ITCH: variants seen among roughly 807,000 people sequenced by gnomAD.
ITCH encodes itchy E3 ubiquitin protein ligase, also known as E3 ubiquitin-protein ligase Itchy homolog.
A neutral mutation model predicts 126.8 loss-of-function variants in ITCH; 28 were observed. The observed-to-expected ratio is 0.22, with a 90% CI of 0.16 to 0.30. ITCH has a LOEUF of 0.30. Ranked by LOEUF, ITCH falls within the 10% of genes least tolerant of loss-of-function variation. The pLI, the probability that ITCH is intolerant of heterozygous loss-of-function variation, is 1.00. For synonymous variants in ITCH, 342 were observed against 340.0 expected (o/e 1.01, Z -0.06); for missense variants, 631 against 1,032.4 (o/e 0.61, Z 5.33).
At chr20:34,433,451 G>A (rs758265618) in intron 7 of ITCH, among the ~76,000 whole-genome samples, 40 of 152,166 alleles carry the variant, frequency 2.6e-4, no homozygotes, top group Non-Finnish European at 5.0e-4. Flanking sequence ...GCCGAGGTGG[G>A]TGGATCACTT....
chr20:34,463,034 T>C (rs1432680447), intron 14 of ITCH, among the ~76,000 whole-genome samples: 3 of 152,162 alleles, frequency 2.0e-5, no homozygotes, highest in Non-Finnish European at 4.4e-5. Flanking sequence ...TTGGGGGGTA[T>C]TGTAAATAAT....
chr20:34,425,910 G>A (rs1048775183), intron 7 of ITCH, among the ~76,000 whole-genome samples: 1 of 152,238 alleles, frequency 6.6e-6, no homozygotes, highest in African/African-American at 2.4e-5. Context: ...TGTACTTTGT[G>A]TCTGTGTCTT....
chr20:34,366,909 C>T (rs1270137723), intron 1 of ITCH, among the ~76,000 whole-genome samples: 1 of 152,064 alleles, frequency 6.6e-6, no homozygotes, highest in Non-Finnish European at 1.5e-5. Flanking sequence ...CAAAGCCTGA[C>T]CTTGGAGAGA....
At chr20:34,398,854 AAACAGAG>A (rs1376225684) in intron 3 of ITCH, among the ~76,000 whole-genome samples, 8 of 152,064 alleles carry the variant, frequency 5.3e-5, no homozygotes, top group African/African-American at 1.9e-4. Context: ...ATTAGATATG[AAACAGAG>A]AACATAAGAT....
intron 20 of ITCH, among the ~76,000 whole-genome samples, chr20:34,486,653 CTATTT>C (rs1485848326): frequency 7.2e-6 from 1 of 139,566 alleles, no homozygotes; most frequent in East Asian, 2.0e-4. Context: ...GTGTTTTTCA[CTATTT>C]TATTTATTTT....
chr20:34,365,177 G>A (rs1231782506), intron 1 of ITCH, among the ~76,000 whole-genome samples: 1 of 151,948 alleles, frequency 6.6e-6, no homozygotes, highest in African/African-American at 2.4e-5. Context: ...TTCCAGCCTG[G>A]GTGACAGAGT....
intron 23 of ITCH, among the ~76,000 whole-genome samples, chr20:34,499,176 G>A (rs1239320423): frequency 3.4e-5 from 5 of 148,044 alleles, no homozygotes; most frequent in African/African-American, 5.0e-5. Context: ...GGGTTTCACC[G>A]CGTTAGCCAG....
At chr20:34,434,563 C>T (rs989533564) in intron 7 of ITCH, among the ~76,000 whole-genome samples, 1 of 152,158 alleles carries the variant, frequency 6.6e-6, no homozygotes, top group Non-Finnish European at 1.5e-5. Flanking sequence ...ATAGGCAAAT[C>T]ATCCTTGAAG....
intron 11 of ITCH, among the ~76,000 whole-genome samples, chr20:34,445,712 A>G (rs1984374821): frequency 6.6e-6 from 1 of 152,200 alleles, no homozygotes; most frequent in African/African-American, 2.4e-5. Flanking sequence ...AAGTTAGGAC[A>G]ACTTAAAATT....
chr20:34,451,916 A>G (rs1985303513), intron 12 of ITCH, among the ~76,000 whole-genome samples: 2 of 152,056 alleles, frequency 1.3e-5, no homozygotes, highest in African/African-American at 4.8e-5. Flanking sequence ...AAAAAATACA[A>G]AAAATAATCT....
chr20:34,403,595 A>G (rs1194543258), intron 3 of ITCH, among the ~76,000 whole-genome samples: 5 of 152,216 alleles, frequency 3.3e-5, no homozygotes, highest in Admixed American at 3.3e-4. Flanking sequence ...AAGATTGGCT[A>G]TATCTGTGCA....
chr20:34,435,139 C>T (rs1424244786), intron 7 of ITCH, among the ~76,000 whole-genome samples: 15 of 150,816 alleles, frequency 9.9e-5, no homozygotes, highest in Non-Finnish European at 2.9e-5. Context: ...TCCCAGGAGT[C>T]TTGAGCTGTG....
intron 2 of ITCH, among the ~76,000 whole-genome samples, chr20:34,375,550 A>ATAGTGAG (rs1423469015): frequency 6.6e-6 from 1 of 151,976 alleles, no homozygotes; most frequent in East Asian, 1.9e-4. Context: ...CCTGGATAAC[A>ATAGTGAG]TAGTGAGACC....
chr20:34,461,681 A>C (rs1325857398), intron 13 of ITCH, among the ~76,000 whole-genome samples: 2 of 138,178 alleles, frequency 1.4e-5, no homozygotes, highest in East Asian at 4.5e-4. Flanking sequence ...CCTGCACTCC[A>C]GCCTGGGCGA....
chr20:34,485,999 C>T (rs768116804), intron 20 of ITCH, among the ~76,000 whole-genome samples: 4 of 152,056 alleles, frequency 2.6e-5, no homozygotes, highest in Non-Finnish European at 5.9e-5. Context: ...ATTTCTTTAG[C>T]TATATCCCAC....
At chr20:34,416,949 A>C (rs1214303611) in intron 6 of ITCH, among the ~76,000 whole-genome samples, 2 of 138,156 alleles carry the variant, frequency 1.4e-5, no homozygotes, top group Non-Finnish European at 3.0e-5. Flanking sequence ...TGCTCTTGTC[A>C]CCCAGGCTGG....
At chr20:34,375,696 A>ATTTTTTTTTTTTTTTTTT (rs5841171) in intron 2 of ITCH, among the ~76,000 whole-genome samples, 2 of 65,524 alleles carry the variant, frequency 3.1e-5, no homozygotes, top group African/African-American at 1.5e-4. Flanking sequence ...GGTAGTTAAA[A>ATTTTTTTTTTTTTTTTTT]TTTTTTTTTT....
At chr20:34,407,184 T>C (rs1380478180) in intron 3 of ITCH, among the ~76,000 whole-genome samples, 1 of 152,136 alleles carries the variant, frequency 6.6e-6, no homozygotes, top group Non-Finnish European at 1.5e-5. Context: ...TTAGATAATA[T>C]GAGATGTTAA....
chr20:34,365,690 C>T (rs1164955207), intron 1 of ITCH, among the ~76,000 whole-genome samples: 1 of 152,202 alleles, frequency 6.6e-6, no homozygotes, highest in East Asian at 1.9e-4. Flanking sequence ...GCTGGGTTTA[C>T]AGGCATGAGC....
Sources: allele counts gnomAD v4.1 joint callset (sites outside exome capture counted in the v4.1 genomes callset), GRCh38; gene constraint gnomAD v4.1.1; transcripts MANE v1.5; gene names NCBI Gene and HGNC (gene_info 2026-07-23, HGNC 2026-07-21).